Variants in ORC1 observed in about 807,000 individuals in gnomAD.
ORC1 encodes origin recognition complex subunit 1.
A neutral mutation model predicts 98.9 loss-of-function variants in ORC1; 61 were observed. That is an observed-to-expected ratio of 0.62 (90% confidence interval 0.50 to 0.76). ORC1 has a LOEUF of 0.76. ORC1 is among the 30% of genes least tolerant of loss of function. The probability of loss-of-function intolerance (pLI) is 0.00; values close to 1 mark genes in which losing one functional copy is unlikely to be tolerated. For missense variants in ORC1, 979 were observed against 1,072.2 expected (o/e 0.91, Z 1.21); for synonymous variants, 385 against 406.9 (o/e 0.95, Z 0.65).
intron 14 of ORC1, among the ~76,000 whole-genome samples, 187 bp downstream of exon 14, chr1:52,381,455 A>G (rs1056822807): frequency 6.6e-6 from 1 of 152,216 alleles, no homozygotes; most frequent in Non-Finnish European, 1.5e-5. Context: ...TAAACCCACA[A>G]TATTTAGGGC....
chr1:52,376,138 G>A (rs1467090607), intron 14 of ORC1, among the ~76,000 whole-genome samples: 2 of 152,014 alleles, frequency 1.3e-5, no homozygotes, highest in East Asian at 3.9e-4. Flanking sequence ...TTGGGAGGCC[G>A]AGGCAGGCGG....
intron 6 of ORC1, 93 bp downstream of exon 6, chr1:52,393,350 T>C: frequency 3.2e-6 from 5 of 1,556,454 alleles, no homozygotes; most frequent in Non-Finnish European, 4.4e-6. Flanking sequence ...CATAGGTTTT[T>C]CAACTACTGT....
At chr1:52,385,316 C>T in intron 9 of ORC1, 54 bp from the exon 10 acceptor site, 1 of 1,081,756 alleles carries the variant, frequency 9.2e-7, no homozygotes. Flanking sequence ...ATTCCCCAAC[C>T]ATCTACTCAT....
intron 12 of ORC1, 117 bp from the exon 13 acceptor site, chr1:52,383,686 C>G: frequency 7.4e-7 from 1 of 1,354,086 alleles, no homozygotes; most frequent in Non-Finnish European, 1.1e-6. Flanking sequence ...AGCACCAAAA[C>G]AATCCATTGA....
At chr1:52,373,502 T>C (rs1284661004) in intron 16 of ORC1, 127 bp from the exon 17 acceptor site, 2 of 788,640 alleles carry the variant, frequency 2.5e-6, no homozygotes, top group Non-Finnish European at 4.3e-6. Context: ...CCAGAAGGCA[T>C]CAGTTGGTGC....
At chr1:52,408,846 T>C (rs1183822610), upstream of ORC1, 12 of 880,124 alleles carry the variant, frequency 1.4e-5, no homozygotes, top group Middle Eastern at 3.3e-4. Context: ...CTCATGGGAG[T>C]TTTCAGTCTG....
upstream of ORC1, chr1:52,408,889 G>T: frequency 2.0e-6 from 1 of 512,620 alleles, no homozygotes; most frequent in East Asian, 3.4e-5. Flanking sequence ...TACCCAGCCT[G>T]CCTCTGTCTG....
At chr1:52,407,227 C>CAGGAT (rs1334758895), upstream of ORC1, among the ~76,000 whole-genome samples, 1 of 152,194 alleles carries the variant, frequency 6.6e-6, no homozygotes, top group Non-Finnish European at 1.5e-5. Flanking sequence ...CCGCGTTAGC[C>CAGGAT]AGGATGGTCC....
rs189748107 is a variant in ORC1, at chr1:52,374,738, C to T, written c.2391+72G>A. The stretch of plus-strand genomic sequence containing the variant: ...GGCACAAAATAGAGTGTCACACATT[C>T]ATGGAAATTTCCATGTATTTTAAAA... On this transcript the variant is annotated intron_variant, in intron 16 of 16. Transcript: ENST00000371568. 1,626 of 1,011,004 alleles carry T rather than the reference C, an allele frequency of 1.6e-3. 4 individuals carry two copies. Among genetic ancestry groups the T allele is most frequent in the Middle Eastern group, 4.8e-3 (23 of 4,768 alleles). 62.6% of individuals were successfully genotyped at this position (1,011,004 alleles called of 1,614,324 possible).
chr1:52,393,533 C>T lies in ORC1; in HGVS notation c.992G>A (p.Arg331Lys). 1 of 1,614,138 alleles carries T rather than the reference C, an allele frequency of 6.2e-7. No homozygotes were observed. The highest frequency in any genetic ancestry group is 1.1e-5 in the South Asian group (1 of 91,080). ...GATAGGGGTAAGTGTTCTCTCCTCT[C>T]TAATGTCTATGGTTTTCGAAGCTGC... ...RIAASKTIDI[R>K]EERTLTPISG... Residue 331 changes from arginine (R) to lysine (K), a missense_variant, in exon 6 of 17, where the codon AGA (arginine) becomes AAA (lysine). Physicochemically the swap from Arg to Lys is conservative, Grantham distance 26. Coordinates refer to ENST00000371568, the MANE Select transcript of ORC1 (RefSeq NM_004153.4).
In ORC1 at chr1:52,402,157, C is replaced by T; in HGVS notation, c.67G>A (p.Asp23Asn). 6.2e-7 allele frequency: 1 copy of T among 1,614,146 alleles called. No homozygotes were observed. Among genetic ancestry groups the T allele is most frequent in the Non-Finnish European group, 8.5e-7 (1 of 1,179,990 alleles). The change falls in exon 2 of 17, where the codon GAT becomes AAT. Residue 23 changes from aspartate to asparagine, a missense_variant. By Grantham distance (23) the Asp-to-Asn change is conservative. Transcript: ENST00000371568. ...TYSWVGRPLL[D>N]RKLHYQTYRE... ...TAGGTTTGGTAGTGCAGTTTTCGAT[C>T]CAACAAGGGCCTGCCAACCCATGAA...
At chr1:52,386,458 C>T (rs1647144435) in intron 8 of ORC1, among the ~76,000 whole-genome samples, 1 of 152,152 alleles carries the variant, frequency 6.6e-6, no homozygotes, top group African/African-American at 2.4e-5. Context: ...CCCAGGTCAC[C>T]GCTTAGTGTA....
At position 52,375,702 on chromosome 1, in the gene ORC1, A is replaced by T. The variant is rs573185316; in HGVS notation, c.2134-103T>A. 9.5e-5 allele frequency: 102 copies of T among 1,072,706 alleles called. 1 individual carries two copies. The Middle Eastern group carries it at 2.6e-3, about 27-fold the overall frequency. 66.4% of individuals were successfully genotyped at this position (1,072,706 alleles called of 1,614,324 possible). On this transcript the variant is annotated intron_variant, in intron 14 of 16. Coordinates refer to ENST00000371568, the MANE Select transcript of ORC1 (RefSeq NM_004153.4). Reference sequence around the variant, plus strand: ...GACATAAGCGTAAAGTTAAGTACTTAGCCCTGGCAGGGAACCTGGAGGAAG... The same window carrying T: ...GACATAAGCGTAAAGTTAAGTACTTTGCCCTGGCAGGGAACCTGGAGGAAG...
intron 14 of ORC1, among the ~76,000 whole-genome samples, chr1:52,377,142 C>T (rs930129807): frequency 6.6e-6 from 1 of 152,156 alleles, no homozygotes; most frequent in African/African-American, 2.4e-5. Context: ...CCTGCCTCAG[C>T]CTCCCGAATA....
intron 16 of ORC1, 26 bp from the exon 17 acceptor site, chr1:52,373,401 T>C (rs781320671): frequency 5.0e-6 from 8 of 1,596,994 alleles, no homozygotes; most frequent in Non-Finnish European, 6.9e-6. Flanking sequence ...AAGGCAAAGG[T>C]TAAGAGGAAA....
In ORC1 at chr1:52,381,818, G is replaced by A. The variant is rs1436311393; in HGVS notation, c.2014-57C>T. Reference sequence around the variant, plus strand: ...GGTTGACTGCCCAGTGATTATCCAGGTGGAAAGTCACCCTTGGGCCCCCAA... The same window carrying A: ...GGTTGACTGCCCAGTGATTATCCAGATGGAAAGTCACCCTTGGGCCCCCAA... On this transcript the variant is annotated intron_variant, in intron 13 of 16. Coordinates refer to ENST00000371568, the MANE Select transcript of ORC1 (RefSeq NM_004153.4). 2.5e-6 allele frequency: 4 copies of A among 1,599,768 alleles called. No individual in the cohort carries two copies. In the Admixed American group the frequency reaches 6.7e-5, roughly 27 times the overall value.
chr1:52,399,578 G>A (rs891918026), intron 3 of ORC1, among the ~76,000 whole-genome samples: 3 of 147,544 alleles, frequency 2.0e-5, no homozygotes, highest in African/African-American at 7.6e-5. Flanking sequence ...GAGCCGAGAT[G>A]GCGCCACTGC....
rs758759522 is a variant in ORC1, at chr1:52,401,357, C to A, written c.223+5G>T. 2.4e-5 allele frequency: 38 copies of A among 1,614,018 alleles called. No homozygotes were observed. Among genetic ancestry groups the A allele is most frequent in the Non-Finnish European group, 3.1e-5 (37 of 1,180,020 alleles). ...AATGGTTTATTATTCCAGTCCCAAA[C>A]TCACCATCTTCGAACAACTCAAGCA... On this transcript the variant is annotated splice_donor_5th_base_variant and intron_variant, in intron 3 of 16. Coordinates refer to ENST00000371568, the MANE Select transcript of ORC1 (RefSeq NM_004153.4).
intron 16 of ORC1, among the ~76,000 whole-genome samples, chr1:52,373,927 C>A (rs1646964714): frequency 6.6e-6 from 1 of 152,154 alleles, no homozygotes; most frequent in South Asian, 2.1e-4. Context: ...ACATAGATTC[C>A]TACCCTAACG....
Sources: gnomAD v4.1 joint callset for allele counts (sites outside exome capture counted in the v4.1 genomes callset) on GRCh38, gnomAD v4.1.1 for gene constraint, MANE v1.5 for transcripts, NCBI Gene and HGNC (gene_info 2026-07-23, HGNC 2026-07-21) for gene names.